Variants in HKDC1 observed in about 807,000 individuals in gnomAD.
HKDC1 encodes the protein hexokinase domain containing 1, also known as hexokinase HKDC1.
HKDC1 carries 66 observed loss-of-function variants against 96.6 expected under a neutral mutation model. The ratio of observed to expected loss-of-function variants is 0.68; its 90% CI spans 0.56 to 0.84. The LOEUF (loss-of-function observed/expected upper bound fraction) is 0.84. Among genes scored for constraint, HKDC1 ranks in the 40% least tolerant of loss-of-function variants. The pLI is 0.00. For synonymous variants in HKDC1, 466 were observed against 473.1 expected (o/e 0.98, Z 0.20); for missense variants, 1,211 against 1,208.1 (o/e 1.00, Z -0.04).
intron 10 of HKDC1, chr10:69,249,010 C>A (rs922537537): frequency 6.8e-6 from 2 of 296,256 alleles, no homozygotes; most frequent in Non-Finnish European, 1.2e-5. Flanking sequence ...AGTGTACCCC[C>A]CCCGACCCCC....
In HKDC1 at chr10:69,247,588, C is replaced by T; in HGVS notation, c.1260C>T (p.His420=). The change falls in exon 9 of 18, where the codon CAC becomes CAT. Residue 420 remains histidine (H), a synonymous_variant. Transcript: ENST00000354624. ...VGMDGTLYKI[H]PQYPKRLHKV... is the part of the protein sequence containing the mutation. ...TGGACGGCACCCTCTACAAGATACA[C>T]CCTCAGTGAGTGCTGCCTGCCATCC... 1 of 1,613,164 alleles carries T rather than the reference C, an allele frequency of 6.2e-7. No homozygotes were observed.
intron 12 of HKDC1, among the ~76,000 whole-genome samples, chr10:69,252,672 A>G (rs1843662466): frequency 6.8e-6 from 1 of 148,120 alleles, no homozygotes; most frequent in South Asian, 2.1e-4. Context: ...AACTGTAGCC[A>G]GGCATGGTGG....
rs200818764 is a variant in HKDC1 at position 69,227,274 on chromosome 10, G to A, written c.131G>A (p.Arg44Gln). 4.3e-5 allele frequency: 69 copies of A among 1,614,144 alleles called. No individual in the cohort carries two copies. Among genetic ancestry groups the A allele is most frequent in the Admixed American group, 8.3e-5 (5 of 60,016 alleles). The stretch of plus-strand genomic sequence containing the variant: ...CTTTTGGACATCATGAGGCGGTTCC[G>A]GGCTGAGATGGAGAAGGGCCTGGCA... The part of the protein sequence containing the change: ...DTLLDIMRRF[R>Q]AEMEKGLAKD... The change falls in exon 2 of 18, where the codon CGG (arginine) becomes CAG (glutamine). Residue 44 changes from arginine to glutamine, a missense_variant. By Grantham distance (43) the Arg-to-Gln change is conservative. Coordinates refer to ENST00000354624, the MANE Select transcript of HKDC1 (RefSeq NM_025130.4).
chr10:69,230,370 G>A (rs1020358503), intron 2 of HKDC1, among the ~76,000 whole-genome samples: 2 of 152,070 alleles, frequency 1.3e-5, no homozygotes, highest in Non-Finnish European at 2.9e-5. Flanking sequence ...CTGGAGCCTC[G>A]AGTGTTTCCT....
chr10:69,243,484 C>A, intron 7 of HKDC1, 119 bp downstream of exon 7: 73 of 744,630 alleles, frequency 9.8e-5, no homozygotes, highest in Middle Eastern at 4.1e-4. Context: ...AACTTTCTTT[C>A]TTTTTTTCTT....
chr10:69,264,129 G>A (rs1843852371), intron 16 of HKDC1, among the ~76,000 whole-genome samples: 1 of 151,992 alleles, frequency 6.6e-6, no homozygotes, highest in African/African-American at 2.4e-5. Context: ...TGGGCAACAA[G>A]AGTGAAACTC....
intron 8 of HKDC1, among the ~76,000 whole-genome samples, chr10:69,246,909 A>C (rs1208482108): frequency 6.6e-6 from 1 of 152,268 alleles, no homozygotes; most frequent in African/African-American, 2.4e-5. Context: ...GACCTGCAGC[A>C]TCTATGTCTA....
intron 14 of HKDC1, among the ~76,000 whole-genome samples, chr10:69,257,693 G>A (rs999400236): frequency 2.0e-5 from 3 of 151,868 alleles, no homozygotes; most frequent in African/African-American, 4.9e-5. Context: ...CATGGGGGGG[G>A]GAAGGAGACT....
At chr10:69,250,029 G>A (rs1843612778) in intron 10 of HKDC1, among the ~76,000 whole-genome samples, 1 of 152,164 alleles carries the variant, frequency 6.6e-6, no homozygotes, top group Non-Finnish European at 1.5e-5. Context: ...TCTTTTCACG[G>A]CACCTCACTG....
At chr10:69,224,444 T>C (rs1193996149) in intron 1 of HKDC1, among the ~76,000 whole-genome samples, 1 of 151,902 alleles carries the variant, frequency 6.6e-6, no homozygotes, top group Non-Finnish European at 1.5e-5. Flanking sequence ...CCACCACGCC[T>C]GGCTAATTTT....
At chr10:69,264,551 G>T (rs1019012912) in intron 16 of HKDC1, among the ~76,000 whole-genome samples, 4 of 151,968 alleles carry the variant, frequency 2.6e-5, no homozygotes, top group Non-Finnish European at 5.9e-5. Context: ...AAATTTTTTA[G>T]AGATGGGGTC....
intron 4 of HKDC1, among the ~76,000 whole-genome samples, chr10:69,234,865 T>C (rs1292387445): frequency 6.6e-6 from 1 of 152,262 alleles, no homozygotes; most frequent in Non-Finnish European, 1.5e-5. Context: ...GTCAATCATT[T>C]ATTTGATTCC....
In HKDC1 at chr10:69,265,768, C is replaced by G; in HGVS notation, c.2556C>G (p.His852Gln). 1 of 1,613,610 alleles carries G rather than the reference C, an allele frequency of 6.2e-7. No homozygotes were observed. The highest frequency in any genetic ancestry group is 1.7e-5 in the Admixed American group (1 of 59,798). The change falls in exon 17 of 18, where the codon CAC becomes CAG. Residue 852 changes from histidine (H) to glutamine (Q), a missense_variant. By Grantham distance (24) the His-to-Gln change is conservative (BLOSUM62 0). Coordinates refer to ENST00000354624, the MANE Select transcript of HKDC1 (RefSeq NM_025130.4). The stretch of plus-strand genomic sequence containing the variant: ...GGAGAGAAGACCAGGGGCTAGAGCA[C>G]CTGAGGATCACTGTGGGTGTGGACG... Reference protein sequence around the residue: ...EKRREDQGLEHLRITVGVDGT... With the variant: ...EKRREDQGLEQLRITVGVDGT...
rs762144777 is a variant in HKDC1, at chr10:69,232,752, G to T, written c.227-12G>T. The T allele has an allele frequency of 3.1e-5, 50 of 1,613,386 alleles. No individual in the cohort carries two copies. The highest frequency in any genetic ancestry group is 3.8e-5 in the Non-Finnish European group (45 of 1,179,578). ...CCCTCAATAAATGGAAACTGAATTTGTTTCTTAATAGAAAATGGGGAGTTC... is the reference window on the plus strand; with the variant it reads ...CCCTCAATAAATGGAAACTGAATTTTTTTCTTAATAGAAAATGGGGAGTTC... On this transcript the variant is annotated splice_polypyrimidine_tract_variant and intron_variant, in intron 2 of 17. Transcript: ENST00000354624.
At chr10:69,221,816 C>T (rs1392618813) in intron 1 of HKDC1, among the ~76,000 whole-genome samples, 2 of 151,744 alleles carry the variant, frequency 1.3e-5, no homozygotes, top group Non-Finnish European at 2.9e-5. Flanking sequence ...GCCTACAGTC[C>T]CAACTACTCG....
intron 4 of HKDC1, among the ~76,000 whole-genome samples, chr10:69,234,536 T>C (rs542811238): frequency 1.3e-5 from 2 of 152,394 alleles, no homozygotes; most frequent in South Asian, 4.1e-4. Flanking sequence ...ATTACAGGCA[T>C]GGGCCATTGT....
In HKDC1 at chr10:69,240,362, G is replaced by A. The variant is rs146600086; in HGVS notation, c.592-290G>A. On this transcript the variant is annotated intron_variant, in intron 5 of 17. Transcript: ENST00000354624. ...AATTTTTTAAATTAAAAAAAACATC[G>A]ACAACAAAAAACAAGGGCTGGAGTC... Among the ~76,000 whole-genome samples the A allele has an allele frequency of 2.5e-3, 382 of 152,018 alleles. 1 individual carries two copies. The highest frequency in any genetic ancestry group is 7.8e-3 in the African/African-American group (322 of 41,444).
chr10:69,239,452 G>A lies in HKDC1; in HGVS notation c.591+315G>A, dbSNP rs1032555173. ...CTGATGCTGTGTGTAGGCCCCACAC[G>A]CCCTCCTCTCTGAGGCTGAAAAGAT... On this transcript the variant is annotated intron_variant, in intron 5 of 17. Coordinates refer to ENST00000354624, the MANE Select transcript of HKDC1 (RefSeq NM_025130.4). 4.6e-5 allele frequency among the ~76,000 whole-genome samples: 7 copies of A among 152,148 alleles called. 1 individual carries two copies. The East Asian group carries it at 1.3e-3, about 29-fold the overall frequency.
intron 2 of HKDC1, among the ~76,000 whole-genome samples, chr10:69,228,638 G>A (rs141023753): frequency 4.3e-4 from 65 of 152,144 alleles, no homozygotes; most frequent in African/African-American, 1.5e-3. Flanking sequence ...GGCCGAGGGG[G>A]GCAGATCACT....
Sources: gnomAD v4.1 joint callset for allele counts (sites outside exome capture counted in the v4.1 genomes callset) on GRCh38, gnomAD v4.1.1 for gene constraint, MANE v1.5 for transcripts, NCBI Gene and HGNC (gene_info 2026-07-23, HGNC 2026-07-21) for gene names.